TRAM2: variants seen among roughly 807,000 people sequenced by gnomAD.
TRAM2 encodes translocation associated membrane protein 2.
Under a neutral mutation model 51.0 loss-of-function variants are expected in TRAM2, and 12 were observed. That is an observed-to-expected ratio of 0.24 (90% CI 0.15 to 0.38). The LOEUF (loss-of-function observed/expected upper bound fraction) is 0.38. TRAM2 is among the 10% of genes least tolerant of loss of function. TRAM2 has a pLI of 1.00. For missense variants in TRAM2, 361 were observed against 462.0 expected, an observed-to-expected ratio of 0.78 and a Z score of 2.00; for synonymous variants, 175 against 179.4, an observed-to-expected ratio of 0.98 and a Z score of 0.20.
chr6:52,562,763 C>T (rs879494229), intron 1 of TRAM2, among the ~76,000 whole-genome samples: 17 of 152,182 alleles, frequency 1.1e-4, no homozygotes, highest in Admixed American at 2.6e-4. Flanking sequence ...CCTATGTCAA[C>T]GTGTTCTCAT....
In TRAM2 at chr6:52,502,277, G is replaced by A. The variant is rs1014175691; in HGVS notation, c.*920C>T. ...AGGCAGGTATATGAACTGCTGTTTGGTTTGGTTTTGAATGCTTGTGAATGG... is the reference window on the plus strand; with the variant it reads ...AGGCAGGTATATGAACTGCTGTTTGATTTGGTTTTGAATGCTTGTGAATGG... On this transcript the variant is annotated 3_prime_UTR_variant, in exon 11 of 11. Transcript: ENST00000182527. 6.6e-6 allele frequency: 1 copy of A among 152,332 alleles called. No homozygotes were observed. The highest frequency in any genetic ancestry group is 1.5e-5 in the Non-Finnish European group (1 of 68,094). The allele number at this position is 152,332 out of a possible 1,614,324, so 9.4% of individuals were successfully genotyped here.
At chr6:52,553,038 C>A (rs1302809241) in intron 1 of TRAM2, among the ~76,000 whole-genome samples, 1 of 152,174 alleles carries the variant, frequency 6.6e-6, no homozygotes, top group East Asian at 1.9e-4. Flanking sequence ...AGACTCAAAA[C>A]CCCTTCCTCC....
intron 2 of TRAM2, among the ~76,000 whole-genome samples, chr6:52,518,294 C>G (rs547661461): frequency 6.6e-6 from 1 of 152,090 alleles, no homozygotes; most frequent in African/African-American, 2.4e-5. Flanking sequence ...AAAGCAGCAT[C>G]CACAAAGAAT....
At chr6:52,513,797 G>C (rs1393237807) in intron 4 of TRAM2, among the ~76,000 whole-genome samples, 1 of 152,130 alleles carries the variant, frequency 6.6e-6, no homozygotes, top group East Asian at 1.9e-4. Flanking sequence ...GGGAATGTAT[G>C]GTTTTATTTC....
chr6:52,518,524 C>T (rs1354102820), intron 2 of TRAM2, among the ~76,000 whole-genome samples: 6 of 152,070 alleles, frequency 3.9e-5, no homozygotes, highest in South Asian at 2.1e-4. Flanking sequence ...GTAAGGACAC[C>T]GGTTAGAAAG....
rs538336724 is a variant in TRAM2 at position 52,498,168 on chromosome 6, C to G, written c.*5029G>C. 1 of 152,710 alleles carries G rather than the reference C, an allele frequency of 6.5e-6. No individual in the cohort carries two copies. Among genetic ancestry groups the G allele is most frequent in the East Asian group, 1.9e-4 (1 of 5,180 alleles). The allele number at this position is 152,710 out of a possible 1,614,324, so 9.5% of individuals were successfully genotyped here. A position where few individuals can be genotyped will look rare whatever the true frequency, so the allele number is the denominator to read the frequency against. On this transcript the variant is annotated 3_prime_UTR_variant, in exon 11 of 11. Transcript: ENST00000182527. ...TTCTTGTGTAAGGGATGACGACTCC[C>G]CCTCCCATGGGTCCCATTTCTCCCC...
chr6:52,536,762 A>C (rs1766982936), intron 1 of TRAM2, among the ~76,000 whole-genome samples: 3 of 152,194 alleles, frequency 2.0e-5, no homozygotes, highest in African/African-American at 7.2e-5. Flanking sequence ...TCGGATGTGC[A>C]GGTGGGCCTG....
intron 1 of TRAM2, among the ~76,000 whole-genome samples, chr6:52,557,151 C>T (rs559071712): frequency 4.1e-5 from 6 of 145,278 alleles, no homozygotes; most frequent in South Asian, 2.2e-4. Context: ...CAAGATCACA[C>T]CGTTGCACTC....
At chr6:52,506,974 C>T (rs1356691628) in intron 7 of TRAM2, among the ~76,000 whole-genome samples, 3 of 152,210 alleles carry the variant, frequency 2.0e-5, no homozygotes, top group African/African-American at 7.2e-5. Context: ...ATGGATAACA[C>T]TCAGCAAAAG....
chr6:52,511,257 A>T lies in TRAM2; in HGVS notation c.412-1671T>A, dbSNP rs146018214. Among the ~76,000 whole-genome samples the T allele has an allele frequency of 3.5e-3, 537 of 152,288 alleles. 3 individuals are homozygous for T. The highest frequency in any genetic ancestry group is 5.2e-3 in the Non-Finnish European group (354 of 68,028). On this transcript the variant is annotated intron_variant, in intron 4 of 10. Transcript: ENST00000182527. ...GTAGCTGGGATTACAAGCACGCAAC[A>T]CCACACCCGGCTATTTTTTGTACTT...
intron 1 of TRAM2, among the ~76,000 whole-genome samples, chr6:52,547,865 C>G (rs1397620493): frequency 6.6e-6 from 1 of 152,218 alleles, no homozygotes; most frequent in African/African-American, 2.4e-5. Flanking sequence ...TGGCCATGGG[C>G]CAGGATCCAT....
intron 1 of TRAM2, among the ~76,000 whole-genome samples, chr6:52,574,025 T>C (rs1253920365): frequency 6.6e-6 from 1 of 152,272 alleles, no homozygotes; most frequent in Non-Finnish European, 1.5e-5. Context: ...CAAAAGCCTA[T>C]GTCCTCTCAC....
At chr6:52,560,317 C>G (rs1181551137) in intron 1 of TRAM2, among the ~76,000 whole-genome samples, 1 of 151,946 alleles carries the variant, frequency 6.6e-6, no homozygotes, top group Non-Finnish European at 1.5e-5. Flanking sequence ...AAACTATCTC[C>G]TAGAGAGATA....
At position 52,507,540 on chromosome 6, in the gene TRAM2, T is replaced by C. The variant is rs769362881; in HGVS notation, c.626+13A>G. The C allele has an allele frequency of 3.1e-6, 5 of 1,613,734 alleles. No homozygotes were observed. Among genetic ancestry groups the C allele is most frequent in the Non-Finnish European group, 3.4e-6 (4 of 1,179,760 alleles). ...GGGCAAGGAAATCTGGCTGGCTCCA[T>C]GGTCTCACTCACTTTAAGAGGTATG... is the stretch of plus-strand genomic sequence containing the variant. On this transcript the variant is annotated intron_variant, in intron 7 of 10. Coordinates refer to ENST00000182527, the MANE Select transcript of TRAM2 (RefSeq NM_012288.4).
At chr6:52,571,449 C>G (rs923617238) in intron 1 of TRAM2, among the ~76,000 whole-genome samples, 2 of 152,170 alleles carry the variant, frequency 1.3e-5, no homozygotes, top group African/African-American at 2.4e-5. Flanking sequence ...ACAGCGCCCT[C>G]GAGAAACGAG....
At position 52,518,138 on chromosome 6, in the gene TRAM2, C is replaced by T. The variant is rs187893919; in HGVS notation, c.185-1401G>A. On this transcript the variant is annotated intron_variant, in intron 2 of 10. Coordinates refer to ENST00000182527, the MANE Select transcript of TRAM2 (RefSeq NM_012288.4). ...AGACGGGCAGCGCTCCTGAGAAGCA[C>T]ATACAGTGAGCCACAGCAGGCGAGG... is the stretch of plus-strand genomic sequence containing the variant. 1.0e-3 allele frequency among the ~76,000 whole-genome samples: 154 copies of T among 152,300 alleles called. 1 individual carries two copies. Among genetic ancestry groups the T allele is most frequent in the African/African-American group, 3.4e-3 (142 of 41,564 alleles).
chr6:52,570,443 C>A (rs1767656953), intron 1 of TRAM2, among the ~76,000 whole-genome samples: 1 of 152,162 alleles, frequency 6.6e-6, no homozygotes, highest in Admixed American at 6.5e-5. Context: ...TCCACAGACA[C>A]CCCATTTGTG....
intron 9 of TRAM2, 97 bp from the exon 10 acceptor site, chr6:52,504,851 T>G: frequency 2.6e-6 from 3 of 1,140,978 alleles, no homozygotes; most frequent in Non-Finnish European, 3.7e-6. Context: ...GCCCTGCAGT[T>G]CCCATGGCTT....
At position 52,535,802 on chromosome 6, in the gene TRAM2, G is replaced by A; in HGVS notation, c.165C>T (p.Asn55=). The change falls in exon 2 of 11, where the codon AAC becomes AAT. Residue 55 remains asparagine, a synonymous_variant. Coordinates refer to ENST00000182527, the MANE Select transcript of TRAM2 (RefSeq NM_012288.4). ...TCTTACCTGCTGTAGGCACGCTAAT[G>A]TTATACTGAGGTAAAATAAATAGAA... ...TAFLFILPQY[N]ISVPTADSET... is the part of the protein sequence containing the mutation. 1 of 1,613,950 alleles carries A rather than the reference G, an allele frequency of 6.2e-7. No individual in the cohort carries two copies. Among genetic ancestry groups the A allele is most frequent in the Non-Finnish European group, 8.5e-7 (1 of 1,179,860 alleles).
Sources: gnomAD v4.1 joint callset for allele counts (sites outside exome capture counted in the v4.1 genomes callset) on GRCh38, gnomAD v4.1.1 for gene constraint, MANE v1.5 for transcripts, NCBI Gene and HGNC (gene_info 2026-07-23, HGNC 2026-07-21) for gene names.